Variants in SH3KBP1 observed in about 807,000 individuals in gnomAD.
SH3KBP1 encodes the protein SH3 domain containing kinase binding protein 1.
SH3KBP1 carries 8 observed loss-of-function variants against 50.1 expected under a neutral mutation model. The ratio of observed to expected loss-of-function variants is 0.16; its 90% confidence interval spans 0.09 to 0.29. The LOEUF (loss-of-function observed/expected upper bound fraction) is 0.29, where lower values mean the gene tolerates loss of function less well. SH3KBP1 is among the 10% of genes least tolerant of loss of function. The probability of loss-of-function intolerance (pLI) is 1.00; values close to 1 mark genes in which losing one functional copy is unlikely to be tolerated. For synonymous variants in SH3KBP1, 227 were observed against 218.6 expected (o/e 1.04, Z -0.34); for missense variants, 377 against 535.2 (o/e 0.70, Z 2.92).
intron 2 of SH3KBP1, among the ~76,000 whole-genome samples, chrX:19,776,532 G>GTTTTTTTTTTTTTTT (rs72090569): frequency 2.3e-4 from 6 of 25,681 alleles, no homozygotes; most frequent in African/African-American, 1.0e-3. Context: ...TGACAACCTG[G>GTTTTTTTTTTTTTTT]TTTTTTTTTT....
At chrX:19,862,563 A>G (rs1294687109) in intron 1 of SH3KBP1, among the ~76,000 whole-genome samples, 1 of 111,249 alleles carries the variant, frequency 9.0e-6, no homozygotes, top group Non-Finnish European at 1.9e-5. Context: ...TTGCTCTGAT[A>G]GGGGCTCTTT....
At chrX:19,665,474 A>G (rs905968172) in intron 6 of SH3KBP1, among the ~76,000 whole-genome samples, 38 of 112,100 alleles carry the variant, frequency 3.4e-4, no homozygotes, top group Non-Finnish European at 1.7e-4. Context: ...CAATTCCAGC[A>G]CACTTTTATT....
At chrX:19,543,452 C>T (rs1011001239) in intron 15 of SH3KBP1, among the ~76,000 whole-genome samples, 2 of 111,373 alleles carry the variant, frequency 1.8e-5, no homozygotes, top group Non-Finnish European at 3.8e-5. Context: ...TGGTTGCATG[C>T]GTGGGTGAAG....
intron 12 of SH3KBP1, among the ~76,000 whole-genome samples, chrX:19,571,690 C>A (rs1390514617): frequency 8.9e-6 from 1 of 111,837 alleles, no homozygotes; most frequent in Non-Finnish European, 1.9e-5. Context: ...TTCAAAATAA[C>A]AGACTAAACA....
intron 3 of SH3KBP1, among the ~76,000 whole-genome samples, chrX:19,718,700 A>C (rs1156695145): frequency 8.9e-6 from 1 of 112,024 alleles, no homozygotes; most frequent in Non-Finnish European, 1.9e-5. Flanking sequence ...AATCAGCAAG[A>C]AAGGTGCTTT....
chrX:19,842,357 C>A (rs888324951), intron 1 of SH3KBP1, among the ~76,000 whole-genome samples: 1 of 110,709 alleles, frequency 9.0e-6, no homozygotes, highest in Non-Finnish European at 1.9e-5. Context: ...GAAACCCTGT[C>A]TCTACTAAAA....
At chrX:19,809,001 T>A (rs1318221724) in intron 2 of SH3KBP1, among the ~76,000 whole-genome samples, 1 of 111,798 alleles carries the variant, frequency 8.9e-6, no homozygotes, top group Non-Finnish European at 1.9e-5. Flanking sequence ...GTTGGTTATA[T>A]GCTCTTTTAT....
intron 9 of SH3KBP1, among the ~76,000 whole-genome samples, chrX:19,596,693 C>T (rs998718866): frequency 5.4e-5 from 6 of 112,119 alleles, no homozygotes; most frequent in Non-Finnish European, 1.1e-4. Flanking sequence ...ACTCTAAACC[C>T]GTTGTTGTCA....
At chrX:19,584,533 A>G (rs188783642) in intron 12 of SH3KBP1, among the ~76,000 whole-genome samples, 4 of 108,319 alleles carry the variant, frequency 3.7e-5, no homozygotes, top group African/African-American at 1.0e-4. Context: ...TGGTCTCACT[A>G]TATTGCCCAG....
intron 1 of SH3KBP1, among the ~76,000 whole-genome samples, chrX:19,838,641 C>A (rs2068125568): frequency 9.0e-6 from 1 of 111,602 alleles, no homozygotes; most frequent in African/African-American, 3.3e-5. Context: ...GTAATCCCAG[C>A]ACTTTGGGAG....
chrX:19,616,951 T>C (rs985510156), intron 8 of SH3KBP1, among the ~76,000 whole-genome samples: 4 of 112,219 alleles, frequency 3.6e-5, no homozygotes, highest in Non-Finnish European at 7.5e-5. Context: ...TCGTAGAGTC[T>C]TGCCCTACTG....
At chrX:19,769,928 C>T (rs1002141581) in intron 2 of SH3KBP1, among the ~76,000 whole-genome samples, 10 of 111,583 alleles carry the variant, frequency 9.0e-5, no homozygotes, top group Middle Eastern at 4.6e-3. Context: ...TTGAAAATAT[C>T]GCTTAAAATG....
intron 1 of SH3KBP1, among the ~76,000 whole-genome samples, chrX:19,838,398 A>G (rs988627394): frequency 1.8e-5 from 2 of 111,670 alleles, no homozygotes; most frequent in African/African-American, 6.5e-5. Flanking sequence ...GTCAAAGCTA[A>G]TAATTCCCAT....
At chrX:19,600,753 T>C (rs1032724008) in intron 9 of SH3KBP1, among the ~76,000 whole-genome samples, 1 of 111,772 alleles carries the variant, frequency 8.9e-6, no homozygotes, top group Admixed American at 9.5e-5. Context: ...GAGGCACTTG[T>C]TCTGTTTATT....
chrX:19,545,528 T>G (rs1231082595), intron 15 of SH3KBP1, among the ~76,000 whole-genome samples: 2 of 112,456 alleles, frequency 1.8e-5, no homozygotes, highest in African/African-American at 6.5e-5. Context: ...GTGACCAGCT[T>G]TGAACATAAA....
intron 2 of SH3KBP1, among the ~76,000 whole-genome samples, chrX:19,793,653 C>G (rs929325232): frequency 1.8e-5 from 2 of 111,766 alleles, no homozygotes; most frequent in African/African-American, 6.5e-5. Context: ...AATGAACACA[C>G]ACTTAGGGTT....
chrX:19,835,286 A>T (rs1322985380), intron 2 of SH3KBP1, among the ~76,000 whole-genome samples: 12 of 110,559 alleles, frequency 1.1e-4, no homozygotes, highest in African/African-American at 3.9e-4. Context: ...GGTGCACACC[A>T]CCATGCCTGG....
Position 19,712,564 on chromosome X carries a change from T to C in SH3KBP1, c.287-5580A>G, listed in dbSNP as rs763677340. ...GACAATAGCCATTTTATAACCATCA[T>C]AGTAATAATTGATTCTGGGAAGAAT... is the stretch of plus-strand genomic sequence containing the variant. On this transcript the variant is annotated intron_variant, in intron 3 of 17. Transcript: ENST00000397821. Among the ~76,000 whole-genome samples the C allele has an allele frequency of 2.1e-4, 23 of 111,348 alleles. No homozygotes were observed. In the East Asian group the frequency reaches 5.9e-3, roughly 29 times the overall value.
intron 4 of SH3KBP1, among the ~76,000 whole-genome samples, chrX:19,704,989 T>C (rs1165906052): frequency 1.8e-5 from 2 of 112,702 alleles, no homozygotes; most frequent in Non-Finnish European, 3.7e-5. Flanking sequence ...CAGATATTGA[T>C]AGCTTTTGAC....
Sources: allele counts gnomAD v4.1 joint callset (sites outside exome capture counted in the v4.1 genomes callset), GRCh38; gene constraint gnomAD v4.1.1; transcripts MANE v1.5; gene names NCBI Gene and HGNC (gene_info 2026-07-23, HGNC 2026-07-21).